Variants in KCNC2 observed in about 807,000 individuals in gnomAD.
KCNC2 encodes potassium voltage-gated channel subfamily C member 2.
In KCNC2, 21 loss-of-function variants were observed where a neutral mutation model predicts 44.5. The ratio of observed to expected loss-of-function variants is 0.47; its 90% CI spans 0.33 to 0.68. KCNC2 has a LOEUF of 0.68. Among genes scored for constraint, KCNC2 ranks in the 30% least tolerant of loss-of-function variants. KCNC2 has a pLI of 0.01. For missense variants in KCNC2, 589 were observed against 826.2 expected (o/e 0.71, Z 3.52); for synonymous variants, 391 against 339.1 (o/e 1.15, Z -1.68).
At chr12:75,148,679 A>G (rs1295962509) in intron 2 of KCNC2, among the ~76,000 whole-genome samples, 2 of 152,042 alleles carry the variant, frequency 1.3e-5, no homozygotes, top group Non-Finnish European at 2.9e-5. Flanking sequence ...AAAAACATAA[A>G]TCAATGCCTA....
intron 2 of KCNC2, among the ~76,000 whole-genome samples, chr12:75,098,675 C>T (rs1425352675): frequency 1.3e-5 from 2 of 151,934 alleles, no homozygotes; most frequent in Non-Finnish European, 2.9e-5. Flanking sequence ...AGGAGAATGG[C>T]TTGAACTCAG....
chr12:75,067,975 A>G (rs1392222267), intron 2 of KCNC2, among the ~76,000 whole-genome samples: 2 of 152,128 alleles, frequency 1.3e-5, no homozygotes, highest in Non-Finnish European at 2.9e-5. Context: ...GTTTTTTGGA[A>G]TGATCATGGA....
chr12:75,057,796 TA>T lies in KCNC2; in HGVS notation c.688-6480del, dbSNP rs891243468. Among the ~76,000 whole-genome samples the T allele has an allele frequency of 8.8e-4, 133 of 151,712 alleles. 1 individual carries two copies. Among genetic ancestry groups the T allele is most frequent in the African/African-American group, 2.9e-3 (122 of 41,458 alleles). On this transcript the variant is annotated intron_variant, in intron 2 of 4. Transcript: ENST00000549446. ...AACAATATAACATTCACTTCTAACA[TA>T]AAAAAAATACCCAAAATTACTATTG...
At chr12:75,114,722 C>T (rs1014563177) in intron 2 of KCNC2, among the ~76,000 whole-genome samples, 5 of 152,228 alleles carry the variant, frequency 3.3e-5, no homozygotes, top group Non-Finnish European at 7.4e-5. Context: ...TTCACAAATA[C>T]TACTTCACAT....
intron 2 of KCNC2, among the ~76,000 whole-genome samples, chr12:75,145,269 C>A (rs1044086365): frequency 2.0e-5 from 3 of 151,924 alleles, no homozygotes; most frequent in Non-Finnish European, 4.4e-5. Flanking sequence ...GATTCAAGTG[C>A]TTCTTAACAC....
chr12:75,156,515 A>G (rs1049634735), intron 2 of KCNC2, among the ~76,000 whole-genome samples: 1 of 151,834 alleles, frequency 6.6e-6, no homozygotes, highest in African/African-American at 2.4e-5. Flanking sequence ...GAAAAAGTGT[A>G]TTGACCCTGC....
rs373729570 is a variant in KCNC2 at position 75,138,979 on chromosome 12, T to TAAAAAAAAAAA, written c.687+68307_687+68317dup. Among the ~76,000 whole-genome samples the TAAAAAAAAAAA allele has an allele frequency of 2.3e-3, 182 of 77,904 alleles. 1 individual carries two copies. Among genetic ancestry groups the TAAAAAAAAAAA allele is most frequent in the African/African-American group, 3.0e-3 (55 of 18,550 alleles). The allele number at this position is 77,904 out of a possible 152,430, so 51.1% of individuals were successfully genotyped here. A position where few individuals can be genotyped will look rare whatever the true frequency, so the allele number is the denominator to read the frequency against. ...CTGGGCCACAGAGCGAGACTCCGTG[T>TAAAAAAAAAAA]AAAAAAAAAAAAAAAAAAAAAAAAA... On this transcript the variant is annotated intron_variant, in intron 2 of 4. Coordinates refer to ENST00000549446, the MANE Select transcript of KCNC2 (RefSeq NM_139137.4).
At chr12:75,091,750 C>T (rs1366445228) in intron 2 of KCNC2, among the ~76,000 whole-genome samples, 1 of 150,538 alleles carries the variant, frequency 6.6e-6, no homozygotes, top group East Asian at 1.9e-4. Flanking sequence ...TGAGTAGGCA[C>T]CTATACAGTG....
intron 2 of KCNC2, among the ~76,000 whole-genome samples, chr12:75,153,760 G>A (rs1304386955): frequency 6.6e-6 from 1 of 151,750 alleles, no homozygotes; most frequent in Non-Finnish European, 1.5e-5. Context: ...GCAAGCCAGA[G>A]AAAAGAAATG....
chr12:75,075,092 T>G lies in KCNC2; in HGVS notation c.688-23775A>C, dbSNP rs955566435. The stretch of plus-strand genomic sequence containing the variant: ...CTAGAAAAATTAGACAAAAATAATT[T>G]AAAAACCTCAATGTTAACCTGTAGA... On this transcript the variant is annotated intron_variant, in intron 2 of 4. Coordinates refer to ENST00000549446, the MANE Select transcript of KCNC2 (RefSeq NM_139137.4). Among the ~76,000 whole-genome samples the G allele has an allele frequency of 2.3e-4, 35 of 152,208 alleles. 1 individual carries two copies. Among genetic ancestry groups the G allele is most frequent in the Admixed American group, 2.0e-3 (30 of 15,278 alleles).
chr12:75,189,315 G>T (rs570885502), intron 2 of KCNC2, among the ~76,000 whole-genome samples: 1 of 152,212 alleles, frequency 6.6e-6, no homozygotes, highest in African/African-American at 2.4e-5. Flanking sequence ...TACAACCAGC[G>T]GTGTAACAGA....
intron 2 of KCNC2, among the ~76,000 whole-genome samples, chr12:75,130,134 C>G (rs1450734094): frequency 6.6e-6 from 1 of 152,128 alleles, no homozygotes; most frequent in Non-Finnish European, 1.5e-5. Context: ...TAAAAACTAT[C>G]TATGTATAAT....
intron 2 of KCNC2, among the ~76,000 whole-genome samples, chr12:75,075,053 A>C (rs1265679485): frequency 6.6e-6 from 1 of 152,216 alleles, no homozygotes; most frequent in Non-Finnish European, 1.5e-5. Flanking sequence ...GTGGAGAAGT[A>C]GAGGAATGTG....
intron 2 of KCNC2, among the ~76,000 whole-genome samples, chr12:75,176,567 C>T (rs1170766165): frequency 1.3e-5 from 2 of 151,990 alleles, no homozygotes; most frequent in African/African-American, 4.8e-5. Flanking sequence ...ACTAGACACT[C>T]TCCCAGCATG....
rs111827917 is a variant in KCNC2, at chr12:75,093,032, C to T, written c.688-41715G>A. ...CCTTTAGGCTTTTTTTTTTTTTAATCGTTCGAGTAGCTATCTGTTTCTTCT... is the reference window on the plus strand; with the variant it reads ...CCTTTAGGCTTTTTTTTTTTTTAATTGTTCGAGTAGCTATCTGTTTCTTCT... On this transcript the variant is annotated intron_variant, in intron 2 of 4. Transcript: ENST00000549446. 3.1e-4 allele frequency among the ~76,000 whole-genome samples: 45 copies of T among 145,628 alleles called. 1 individual carries two copies. Among genetic ancestry groups the T allele is most frequent in the African/African-American group, 1.1e-3 (44 of 39,262 alleles).
chr12:75,192,074 T>A (rs1432785950), intron 2 of KCNC2, among the ~76,000 whole-genome samples: 2 of 152,194 alleles, frequency 1.3e-5, no homozygotes, highest in African/African-American at 4.8e-5. Context: ...TTACATGTAA[T>A]AGTCTTTACA....
At chr12:75,139,433 TA>T (rs1432561793) in intron 2 of KCNC2, among the ~76,000 whole-genome samples, 2 of 152,180 alleles carry the variant, frequency 1.3e-5, no homozygotes, top group African/African-American at 4.8e-5. Flanking sequence ...GCGAGTGAAA[TA>T]ACAATTTGGC....
chr12:75,187,753 C>T (rs920125595), intron 2 of KCNC2, among the ~76,000 whole-genome samples: 8 of 152,010 alleles, frequency 5.3e-5, no homozygotes, highest in Non-Finnish European at 8.8e-5. Flanking sequence ...AATAACCCGA[C>T]GACTATAAAT....
intron 2 of KCNC2, among the ~76,000 whole-genome samples, chr12:75,169,672 ATTG>A (rs1891684431): frequency 6.6e-6 from 1 of 151,634 alleles, no homozygotes; most frequent in Admixed American, 6.6e-5. Context: ...AATTACTATG[ATTG>A]TTGTTTTCTT....
Sources: gnomAD v4.1 joint callset for allele counts (sites outside exome capture counted in the v4.1 genomes callset) on GRCh38, gnomAD v4.1.1 for gene constraint, MANE v1.5 for transcripts, NCBI Gene and HGNC (gene_info 2026-07-23, HGNC 2026-07-21) for gene names.